MAPRE2: variants seen among roughly 807,000 people sequenced by gnomAD.
MAPRE2 encodes microtubule-associated protein RP/EB family member 2.
In MAPRE2, 13 loss-of-function variants were observed where a neutral mutation model predicts 43.2. That is an observed-to-expected ratio of 0.30 (90% CI 0.20 to 0.48). The LOEUF is 0.48. Ranked by LOEUF, MAPRE2 falls within the 20% of genes least tolerant of loss-of-function variation. The pLI is 0.99. For synonymous variants in MAPRE2, 135 were observed against 148.8 expected (o/e 0.91, Z 0.68); for missense variants, 161 against 400.2 (o/e 0.40, Z 5.10).
intron 1 of MAPRE2, among the ~76,000 whole-genome samples, chr18:35,055,392 T>C (rs1249884656): frequency 6.6e-6 from 1 of 152,214 alleles, no homozygotes; most frequent in Non-Finnish European, 1.5e-5. Flanking sequence ...TGGTCGTCTT[T>C]TAAGGAACCA....
intron 2 of MAPRE2, among the ~76,000 whole-genome samples, chr18:35,025,112 G>A (rs1042217911): frequency 6.6e-6 from 1 of 152,164 alleles, no homozygotes; most frequent in Non-Finnish European, 1.5e-5. Flanking sequence ...GCATGGATTT[G>A]CAGCTGTTTC....
At chr18:35,116,647 G>C (rs759120174) in intron 4 of MAPRE2, among the ~76,000 whole-genome samples, 10 of 152,276 alleles carry the variant, frequency 6.6e-5, no homozygotes, top group Non-Finnish European at 1.0e-4. Flanking sequence ...ATGCCTTATG[G>C]GCTTTTCCAA....
In MAPRE2 at chr18:35,041,760, G is replaced by C. The variant is rs576453985; in HGVS notation, c.122+99G>C. 1.3e-5 allele frequency: 20 copies of C among 1,584,620 alleles called. No homozygotes were observed. The African/African-American group carries it at 2.7e-4, about 21-fold the overall frequency. Reference sequence around the variant, plus strand: ...GGAGCAGACACTGCCTGCGACCCCTGCTGCAGGCATGCATTTGTGAAGGCG... The same window carrying C: ...GGAGCAGACACTGCCTGCGACCCCTCCTGCAGGCATGCATTTGTGAAGGCG... On this transcript the variant is annotated intron_variant, in intron 1 of 6. Coordinates refer to ENST00000300249, the MANE Select transcript of MAPRE2 (RefSeq NM_014268.4).
chr18:35,121,828 T>C (rs905602146), intron 4 of MAPRE2, among the ~76,000 whole-genome samples: 1 of 152,214 alleles, frequency 6.6e-6, no homozygotes, highest in Non-Finnish European at 1.5e-5. Flanking sequence ...AAAACCAGGA[T>C]TGGATGCTGT....
At chr18:35,110,858 T>G (rs1024211111) in intron 4 of MAPRE2, among the ~76,000 whole-genome samples, 1 of 152,212 alleles carries the variant, frequency 6.6e-6, no homozygotes, top group African/African-American at 2.4e-5. Context: ...AGTTTTTCTC[T>G]GAGTGCAGTC....
chr18:35,096,808 T>G (rs551904822), intron 2 of MAPRE2, among the ~76,000 whole-genome samples: 2 of 103,712 alleles, frequency 1.9e-5, no homozygotes, highest in East Asian at 6.2e-4. Context: ...TACTTAATAC[T>G]TAATAAGTAA....
In MAPRE2 at chr18:35,062,990, G is replaced by C. The variant is rs1906610746; in HGVS notation, c.123-7205G>C. 2.0e-5 allele frequency among the ~76,000 whole-genome samples: 3 copies of C among 152,194 alleles called. No homozygotes were observed. In the South Asian group the frequency reaches 6.2e-4, roughly 32 times the overall value. On this transcript the variant is annotated intron_variant, in intron 1 of 6. Coordinates refer to ENST00000300249, the MANE Select transcript of MAPRE2 (RefSeq NM_014268.4). Reference sequence around the variant, plus strand: ...GGAGAACATGTTGAAAATAGAGATTGTTATGAGAGAAAAGAAAGACAGTCA... The same window carrying C: ...GGAGAACATGTTGAAAATAGAGATTCTTATGAGAGAAAAGAAAGACAGTCA...
At chr18:35,038,852 G>A (rs997129442), upstream of MAPRE2, among the ~76,000 whole-genome samples, 1 of 152,138 alleles carries the variant, frequency 6.6e-6, no homozygotes, top group African/African-American at 2.4e-5. Context: ...GGAGTTCTGT[G>A]GGTCCCTTTA....
At chr18:35,105,281 A>ACC (rs767576663) in intron 4 of MAPRE2, among the ~76,000 whole-genome samples, 81 of 152,280 alleles carry the variant, frequency 5.3e-4, no homozygotes, top group Non-Finnish European at 9.0e-4. Context: ...ATTTCCTGAG[A>ACC]CCATGTTCCT....
intron 1 of MAPRE2, among the ~76,000 whole-genome samples, chr18:35,049,858 C>G (rs17645004): frequency 6.6e-6 from 1 of 151,946 alleles, no homozygotes; most frequent in South Asian, 2.1e-4. Flanking sequence ...ATTTGTCTTA[C>G]GAACATAGCC....
chr18:35,001,555 T>C (rs16966292), intron 1 of MAPRE2, among the ~76,000 whole-genome samples: 1,781 of 151,910 alleles, frequency 0.012, 23 homozygotes, highest in African/African-American at 0.04. Flanking sequence ...CAAGCTGCTA[T>C]TTCAAACTCA....
chr18:35,021,469 T>C (rs558206263), intron 2 of MAPRE2, among the ~76,000 whole-genome samples: 1 of 152,060 alleles, frequency 6.6e-6, no homozygotes, highest in East Asian at 1.9e-4. Context: ...GAAAAAGAAA[T>C]AAAATAGCTA....
chr18:35,135,651 C>T (rs1910354671), intron 6 of MAPRE2, among the ~76,000 whole-genome samples: 2 of 152,236 alleles, frequency 1.3e-5, no homozygotes, highest in African/African-American at 2.4e-5. Flanking sequence ...CACCACTGCC[C>T]CCATCTCTGG....
chr18:35,039,098 C>G (rs1192050436), upstream of MAPRE2, among the ~76,000 whole-genome samples: 1 of 152,220 alleles, frequency 6.6e-6, no homozygotes, highest in African/African-American at 2.4e-5. Flanking sequence ...CACAATGACA[C>G]AAATTATGTT....
intron 1 of MAPRE2, among the ~76,000 whole-genome samples, chr18:34,994,196 G>C (rs1285282892): frequency 6.6e-6 from 1 of 151,516 alleles, no homozygotes; most frequent in Admixed American, 6.6e-5. Flanking sequence ...GGATGGGGAG[G>C]GGCAAGAAAG....
At chr18:35,087,533 G>T (rs570713352) in intron 2 of MAPRE2, among the ~76,000 whole-genome samples, 2 of 152,214 alleles carry the variant, frequency 1.3e-5, no homozygotes, top group East Asian at 3.9e-4. Flanking sequence ...ATTCTTAAAA[G>T]AATTTTTAGC....
chr18:35,056,459 T>G (rs1009294366), intron 1 of MAPRE2, among the ~76,000 whole-genome samples: 1 of 152,206 alleles, frequency 6.6e-6, no homozygotes, highest in African/African-American at 2.4e-5. Context: ...TCTTACTCAA[T>G]TGCTGAACTC....
At chr18:35,027,664 C>T (rs1401713548) in intron 2 of MAPRE2, among the ~76,000 whole-genome samples, 1 of 152,168 alleles carries the variant, frequency 6.6e-6, no homozygotes, top group East Asian at 1.9e-4. Context: ...TTTAGAGTCA[C>T]AATAGAGAAC....
At chr18:34,983,928 C>T (rs1018930938) in intron 1 of MAPRE2, among the ~76,000 whole-genome samples, 2 of 152,206 alleles carry the variant, frequency 1.3e-5, no homozygotes, top group Non-Finnish European at 2.9e-5. Flanking sequence ...CAGTGTCTGG[C>T]CTGGAAATAG....
Sources: gnomAD v4.1 joint callset for allele counts (sites outside exome capture counted in the v4.1 genomes callset) on GRCh38, gnomAD v4.1.1 for gene constraint, MANE v1.5 for transcripts, NCBI Gene and HGNC (gene_info 2026-07-23, HGNC 2026-07-21) for gene names.